The following ARHGEF12 variants were observed in gnomAD, a reference collection of about 807,000 sequenced individuals.
The protein encoded by ARHGEF12 is KMT2A/ARHGEF12 fusion protein.
A neutral mutation model predicts 211.2 loss-of-function variants in ARHGEF12; 66 were observed. That is an observed-to-expected ratio of 0.31 (90% confidence interval 0.26 to 0.38). The LOEUF (loss-of-function observed/expected upper bound fraction) is 0.38, where lower values mean the gene tolerates loss of function less well. Ranked by LOEUF, ARHGEF12 falls within the 10% of genes least tolerant of loss-of-function variation. The probability of loss-of-function intolerance (pLI) is 1.00; values close to 1 mark genes in which losing one functional copy is unlikely to be tolerated. For missense variants in ARHGEF12, 1,429 were observed against 1,869.5 expected (o/e 0.76, Z 4.34); for synonymous variants, 592 against 638.4 (o/e 0.93, Z 1.09).
At chr11:120,353,882 T>C (rs12288721) in intron 1 of ARHGEF12, among the ~76,000 whole-genome samples, 4,266 of 152,262 alleles carry the variant, frequency 0.028, 208 homozygotes, top group African/African-American at 0.098. Context: ...GCCTATAGGA[T>C]ATCTCATACT....
chr11:120,393,218 A>G lies in ARHGEF12; in HGVS notation c.33-12900A>G, dbSNP rs1413154216. ...TAAAATCTAGTGAGAGAGCCAAATTAACGGAATATTAAAATTGTTTTAAAA... is the reference window on the plus strand; with the variant it reads ...TAAAATCTAGTGAGAGAGCCAAATTGACGGAATATTAAAATTGTTTTAAAA... On this transcript the variant is annotated intron_variant, in intron 1 of 40. Coordinates refer to ENST00000397843, the MANE Select transcript of ARHGEF12 (RefSeq NM_015313.3). Among the ~76,000 whole-genome samples, 5 of 152,240 alleles carry G rather than the reference A, an allele frequency of 3.3e-5. No individual in the cohort carries two copies. In the East Asian group the frequency reaches 9.6e-4, roughly 29 times the overall value.
intron 1 of ARHGEF12, among the ~76,000 whole-genome samples, chr11:120,343,107 A>T (rs1383996203): frequency 6.6e-6 from 1 of 152,076 alleles, no homozygotes; most frequent in Non-Finnish European, 1.5e-5. Flanking sequence ...GAAATATTTT[A>T]CTTTCTTGCT....
chr11:120,453,157 G>A (rs1413203340), intron 22 of ARHGEF12, among the ~76,000 whole-genome samples: 1 of 152,150 alleles, frequency 6.6e-6, no homozygotes, highest in Non-Finnish European at 1.5e-5. Context: ...GAAGAGGTAA[G>A]CTGCTGGGAA....
chr11:120,412,599 C>CTT (rs1225281930), intron 4 of ARHGEF12, among the ~76,000 whole-genome samples: 1 of 152,112 alleles, frequency 6.6e-6, no homozygotes, highest in Admixed American at 6.6e-5. Context: ...TTTTGTCTCT[C>CTT]TTTATTTGAT....
intron 11 of ARHGEF12, among the ~76,000 whole-genome samples, chr11:120,436,004 C>A (rs965674896): frequency 1.3e-5 from 2 of 152,148 alleles, no homozygotes; most frequent in Admixed American, 1.3e-4. Context: ...ACAGCTTATA[C>A]AGAAAATGTA....
chr11:120,387,899 A>G (rs904596941), intron 1 of ARHGEF12, among the ~76,000 whole-genome samples: 9 of 152,172 alleles, frequency 5.9e-5, no homozygotes, highest in African/African-American at 1.4e-4. Context: ...TTTCATTTAA[A>G]CATTAGGCTT....
chr11:120,435,769 G>A (rs902687517), intron 11 of ARHGEF12, among the ~76,000 whole-genome samples: 11 of 152,020 alleles, frequency 7.2e-5, no homozygotes, highest in Non-Finnish European at 5.9e-5. Context: ...ACCCGCCTCA[G>A]CCTCCCAAAG....
intron 1 of ARHGEF12, among the ~76,000 whole-genome samples, chr11:120,400,814 G>A (rs931344531): frequency 2.6e-5 from 4 of 152,326 alleles, no homozygotes; most frequent in African/African-American, 9.6e-5. Flanking sequence ...TGTTGTGCAT[G>A]TAAGCTCTTC....
In ARHGEF12 at chr11:120,458,239, G is replaced by A; in HGVS notation, c.2380+5G>A. ...AAAGACAGGAAGTGATTAATGGTGA[G>A]TGTAATCAATTTGTTGTTGTTGTTT... On this transcript the variant is annotated splice_donor_5th_base_variant and intron_variant, in intron 25 of 40. Transcript: ENST00000397843. 6.2e-7 allele frequency: 1 copy of A among 1,613,232 alleles called. No individual in the cohort carries two copies. The highest frequency in any genetic ancestry group is 8.5e-7 in the Non-Finnish European group (1 of 1,179,570).
At chr11:120,409,204 TA>T in intron 3 of ARHGEF12, 189 bp from the exon 4 acceptor site, 1 of 553,574 alleles carries the variant, frequency 1.8e-6, no homozygotes, top group South Asian at 2.6e-5. Flanking sequence ...TTTTCTTCGA[TA>T]AATCTTTAAA....
At position 120,481,260 on chromosome 11, in the gene ARHGEF12, G is replaced by A. The variant is rs746327315; in HGVS notation, c.4238G>A (p.Gly1413Glu). The change falls in exon 39 of 41, where the codon GGA (glycine) becomes GAA (glutamate). Residue 1413 changes from glycine (G) to glutamate (E), a missense_variant and splice_region_variant. By Grantham distance (98) the Gly-to-Glu change is moderately conservative. Coordinates refer to ENST00000397843, the MANE Select transcript of ARHGEF12 (RefSeq NM_015313.3). ...CAAACTATTCTGTCTCTATCCATAGGAAACTATTTGATCCTTGATGGCTAT... is the reference window on the plus strand; with the variant it reads ...CAAACTATTCTGTCTCTATCCATAGAAAACTATTTGATCCTTGATGGCTAT... ...EEKDVNLRIS[G>E]NYLILDGYDP... is the part of the protein sequence containing the mutation. The A allele has an allele frequency of 1.2e-6, 2 of 1,613,608 alleles. No homozygotes were observed. Among genetic ancestry groups the A allele is most frequent in the South Asian group, 2.2e-5 (2 of 91,058 alleles).
intron 1 of ARHGEF12, among the ~76,000 whole-genome samples, chr11:120,397,340 C>T (rs192585536): frequency 1.4e-3 from 219 of 152,272 alleles, no homozygotes; most frequent in Non-Finnish European, 2.5e-3. Context: ...ATCTCGGGGA[C>T]GAGTGTGTCC....
At chr11:120,360,200 G>C (rs1943241130) in intron 1 of ARHGEF12, among the ~76,000 whole-genome samples, 1 of 152,130 alleles carries the variant, frequency 6.6e-6, no homozygotes, top group African/African-American at 2.4e-5. Context: ...TTTGTGATGA[G>C]GGAAAGTGGT....
chr11:120,487,529 A>C lies in ARHGEF12; in HGVS notation c.*2452A>C, dbSNP rs1022394057. On this transcript the variant is annotated 3_prime_UTR_variant, in exon 41 of 41. Coordinates refer to ENST00000397843, the MANE Select transcript of ARHGEF12 (RefSeq NM_015313.3). The stretch of plus-strand genomic sequence containing the variant: ...TCACATCCGTTTGACTTTGGTTGTG[A>C]CATCTTCCTTTCAGGATGATGGAAT... 2 of 214,178 alleles carry C rather than the reference A, an allele frequency of 9.3e-6. No individual in the cohort carries two copies. Among genetic ancestry groups the C allele is most frequent in the African/African-American group, 4.5e-5 (2 of 44,204 alleles). The allele number at this position is 214,178 out of a possible 1,614,324, so 13.3% of individuals were successfully genotyped here.
chr11:120,485,872 G>A lies in ARHGEF12; in HGVS notation c.*795G>A, dbSNP rs117124853. 0.029 allele frequency: 6,782 copies of A among 233,364 alleles called. 156 individuals are homozygous for A. The highest frequency in any genetic ancestry group is 0.056 in the Middle Eastern group (44 of 784). 14.5% of individuals were successfully genotyped at this position (233,364 alleles called of 1,614,324 possible). Reference sequence around the variant, plus strand: ...GAAAATGGGTGTGTTTTCTTCCATTGTCGTCTTTTCTATTGAGGGTTGGGA... The same window carrying A: ...GAAAATGGGTGTGTTTTCTTCCATTATCGTCTTTTCTATTGAGGGTTGGGA... On this transcript the variant is annotated 3_prime_UTR_variant, in exon 41 of 41. Coordinates refer to ENST00000397843, the MANE Select transcript of ARHGEF12 (RefSeq NM_015313.3).
intron 4 of ARHGEF12, among the ~76,000 whole-genome samples, chr11:120,414,306 A>G (rs1321247081): frequency 6.6e-6 from 1 of 152,230 alleles, no homozygotes; most frequent in Non-Finnish European, 1.5e-5. Flanking sequence ...GAAAAATCAA[A>G]TTATTATAGT....
At chr11:120,405,331 T>G (rs996285383) in intron 1 of ARHGEF12, among the ~76,000 whole-genome samples, 3 of 152,156 alleles carry the variant, frequency 2.0e-5, no homozygotes, top group Admixed American at 2.0e-4. Flanking sequence ...TTGAGAAGAC[T>G]TAGATTAGCA....
intron 27 of ARHGEF12, 71 bp from the exon 28 acceptor site, chr11:120,465,162 TTGTC>T (rs1265076647): frequency 1.3e-6 from 2 of 1,574,122 alleles, no homozygotes; most frequent in South Asian, 1.1e-5. Context: ...AGGATTCTGG[TTGTC>T]TGTCACTTTG....
rs1210930082 is a variant in ARHGEF12, at chr11:120,383,739, G to A, written c.33-22379G>A. On this transcript the variant is annotated intron_variant, in intron 1 of 40. Coordinates refer to ENST00000397843, the MANE Select transcript of ARHGEF12 (RefSeq NM_015313.3). The stretch of plus-strand genomic sequence containing the variant: ...TCACTTGCTCACCTCCTGCTGTGTG[G>A]CCTGGTTCCTAACAGATCATGGACC... Among the ~76,000 whole-genome samples, 3 of 152,120 alleles carry A rather than the reference G, an allele frequency of 2.0e-5. No individual in the cohort carries two copies. The East Asian group carries it at 5.8e-4, about 29-fold the overall frequency.
Sources: allele counts gnomAD v4.1 joint callset (sites outside exome capture counted in the v4.1 genomes callset), GRCh38; gene constraint gnomAD v4.1.1; transcripts MANE v1.5; gene names NCBI Gene and HGNC (gene_info 2026-07-23, HGNC 2026-07-21).